Variants in PCDHGA5 observed in about 807,000 individuals in gnomAD.
PCDHGA5 encodes the protein protocadherin gamma-A5.
PCDHGA5 carries 36 observed loss-of-function variants against 56.7 expected under a neutral mutation model. The observed-to-expected ratio is 0.64, with a 90% confidence interval of 0.49 to 0.84. PCDHGA5 has a LOEUF of 0.84. Ranked by LOEUF, PCDHGA5 falls within the 40% of genes least tolerant of loss-of-function variation. The pLI, the probability that PCDHGA5 is intolerant of heterozygous loss-of-function variation, is 0.00. For synonymous variants in PCDHGA5, 563 were observed against 520.2 expected, an observed-to-expected ratio of 1.08 and a Z score of -1.12; for missense variants, 1,305 against 1,201.5, an observed-to-expected ratio of 1.09 and a Z score of -1.27.
intron 1 of PCDHGA5, among the ~76,000 whole-genome samples, chr5:141,451,908 G>A (rs899191624): frequency 3.9e-5 from 6 of 152,046 alleles, no homozygotes; most frequent in African/African-American, 7.2e-5. Context: ...AAGGGAGGGA[G>A]GGAGGAAGGA....
In PCDHGA5 at chr5:141,490,963, G is replaced by GC; in HGVS notation, c.2422-3838dup. 6.2e-7 allele frequency: 1 copy of GC among 1,613,760 alleles called. No individual in the cohort carries two copies. On this transcript the variant is annotated intron_variant, in intron 1 of 3. Transcript: ENST00000518069. This position sits in a 1 kb window ranked among gnomAD's most constrained non-coding sequence, Gnocchi z 5.4. ...CCCACGGCCAGACTGGGAACACTCA[G>GC]CCCCCCAGCGTCTCCCTCGCTCTGC...
intron 1 of PCDHGA5, chr5:141,420,154 T>C (rs2096470856): frequency 2.5e-6 from 4 of 1,613,948 alleles, no homozygotes; most frequent in Non-Finnish European, 2.5e-6. Flanking sequence ...ATCCAGAATT[T>C]AATTTTTTCA....
chr5:141,399,755 G>C (rs1420211451), intron 1 of PCDHGA5: 1 of 1,613,232 alleles, frequency 6.2e-7, no homozygotes, highest in Non-Finnish European at 8.5e-7. Context: ...GCAAACGTGA[G>C]CCTGCGCGTG....
intron 1 of PCDHGA5, among the ~76,000 whole-genome samples, chr5:141,456,968 A>AAAAC (rs202005606): frequency 1.3e-4 from 20 of 152,282 alleles, no homozygotes; most frequent in Middle Eastern, 3.4e-3. Flanking sequence ...ATCTCAAAAC[A>AAAAC]AAACAAACAA....
chr5:141,494,656 C>CT, intron 1 of PCDHGA5, 151 bp from the exon 2 acceptor site: 1 of 1,478,476 alleles, frequency 6.8e-7, no homozygotes, highest in Non-Finnish European at 9.1e-7. Flanking sequence ...TGTATTTTGT[C>CT]TTTGGAGATG....
intron 1 of PCDHGA5, among the ~76,000 whole-genome samples, chr5:141,459,724 T>C (rs1440632046): frequency 6.6e-6 from 1 of 152,250 alleles, no homozygotes; most frequent in Non-Finnish European, 1.5e-5. Context: ...TGCTTCCTAT[T>C]GTCAATTTTT....
intron 1 of PCDHGA5, among the ~76,000 whole-genome samples, chr5:141,474,082 C>CA (rs1449032579): frequency 1.3e-5 from 2 of 152,064 alleles, no homozygotes; most frequent in African/African-American, 4.8e-5. Context: ...AAACAAAAAC[C>CA]AAAAAACAAA....
intron 1 of PCDHGA5, chr5:141,423,769 CATAT>C (rs2096780943): frequency 8.2e-7 from 1 of 1,219,458 alleles, no homozygotes; most frequent in South Asian, 2.2e-5. Context: ...GGTGGGGCGG[CATAT>C]ATTTAGTTCA....
intron 1 of PCDHGA5, chr5:141,388,748 C>T: frequency 6.2e-7 from 1 of 1,613,928 alleles, no homozygotes; most frequent in Non-Finnish European, 8.5e-7. Flanking sequence ...GCCAGATCAC[C>T]CAATTTGACC....
chr5:141,495,080 G>A (rs73794925), intron 2 of PCDHGA5, among the ~76,000 whole-genome samples: 1 of 152,258 alleles, frequency 6.6e-6, no homozygotes, highest in African/African-American at 2.4e-5. Flanking sequence ...TCACATGCTT[G>A]CCCCTTCCCT....
chr5:141,505,298 T>C, intron 2 of PCDHGA5, 95 bp from the exon 3 acceptor site: 1 of 1,586,334 alleles, frequency 6.3e-7, no homozygotes, highest in Non-Finnish European at 8.6e-7. Flanking sequence ...GGGGTAGGGT[T>C]AGGGTACTAG....
chr5:141,433,993 T>C (rs1367687577), intron 1 of PCDHGA5, among the ~76,000 whole-genome samples: 1 of 152,216 alleles, frequency 6.6e-6, no homozygotes, highest in Admixed American at 6.5e-5. Flanking sequence ...GAGTTTTATA[T>C]TCTCTATATA....
Position 141,365,210 on chromosome 5 carries a change from C to T in PCDHGA5, c.880C>T (p.Leu294Phe), listed in dbSNP as rs376872993. 14 of 1,613,810 alleles carry T rather than the reference C, an allele frequency of 8.7e-6. No homozygotes were observed. The African/African-American group carries it at 1.3e-4, about 15-fold the overall frequency. The change falls in exon 1 of 4, where the codon CTT (leucine) becomes TTT (phenylalanine). Residue 294 changes from leucine (L) to phenylalanine (F), a missense_variant. Leu to Phe is a conservative substitution (Grantham distance 22). Coordinates refer to ENST00000518069, the MANE Select transcript of PCDHGA5 (RefSeq NM_018918.3). ...EEEKISETFQ[L>F]DSNLGEISTL... ...AGAAAAAATTTCGGAGACTTTCCAA[C>T]TTGATTCCAACCTGGGGGAAATCTC...
chr5:141,428,121 G>T (rs764584436), intron 1 of PCDHGA5: 1 of 1,605,860 alleles, frequency 6.2e-7, no homozygotes. Context: ...CATCGAGCCC[G>T]GGCTTTTCAG....
At chr5:141,391,213 C>T (rs1255778682) in intron 1 of PCDHGA5, 1 of 152,056 alleles carries the variant, frequency 6.6e-6, no homozygotes, top group African/African-American at 2.4e-5. Flanking sequence ...TACCAAGGAA[C>T]ATTATATGAG....
rs746318177 is a variant in PCDHGA5 at position 141,431,715 on chromosome 5, T to G, written c.2422-63092T>G. On this transcript the variant is annotated intron_variant, in intron 1 of 3. Coordinates refer to ENST00000518069, the MANE Select transcript of PCDHGA5 (RefSeq NM_018918.3). The surrounding 1 kb of genome is among the most constrained non-coding windows in gnomAD (Gnocchi z 4.8). Reference sequence around the variant, plus strand: ...GAGTCAGGATTCTACCAGATGGAAGTGCAAGCAATGGATAATGCAGGATAT... The same window carrying G: ...GAGTCAGGATTCTACCAGATGGAAGGGCAAGCAATGGATAATGCAGGATAT... 5.6e-6 allele frequency: 9 copies of G among 1,614,178 alleles called. No homozygotes were observed. The highest frequency in any genetic ancestry group is 6.8e-6 in the Non-Finnish European group (8 of 1,180,042).
chr5:141,398,087 G>T (rs1377881034), intron 1 of PCDHGA5: 1 of 1,599,430 alleles, frequency 6.3e-7, no homozygotes, highest in African/African-American at 1.3e-5. Flanking sequence ...TTGTAACCTG[G>T]CGTCTCCAGG....
At chr5:141,385,224 T>G (rs751833387) in intron 1 of PCDHGA5, 2 of 1,614,206 alleles carry the variant, frequency 1.2e-6, no homozygotes, top group Non-Finnish European at 1.7e-6. Flanking sequence ...AGCCCAACTA[T>G]GTAGACATGC....
intron 1 of PCDHGA5, chr5:141,375,760 G>T (rs779640846): frequency 1.2e-6 from 2 of 1,614,118 alleles, no homozygotes; most frequent in Admixed American, 1.7e-5. Context: ...ATGACAATGC[G>T]CCCGAGATCC....
Sources: gnomAD v4.1 joint callset for allele counts (sites outside exome capture counted in the v4.1 genomes callset) on GRCh38, gnomAD v4.1.1 for gene constraint, Gnocchi (gnomAD v3.1) non-coding constraint, MANE v1.5 for transcripts, NCBI Gene and HGNC (gene_info 2026-07-23, HGNC 2026-07-21) for gene names.